The following ARHGAP22 variants were observed in gnomAD, a reference collection of about 807,000 sequenced individuals.
The protein encoded by ARHGAP22 is Rho GTPase activating protein 22.
Under a neutral mutation model 59.1 loss-of-function variants are expected in ARHGAP22, and 48 were observed. That is an observed-to-expected ratio of 0.81 (90% confidence interval 0.64 to 1.03). The LOEUF is 1.03. Among genes scored for constraint, ARHGAP22 ranks in the 50% least tolerant of loss-of-function variants. ARHGAP22 has a pLI of 0.00. For missense variants in ARHGAP22, 1,015 were observed against 958.7 expected (o/e 1.06, Z -0.78); for synonymous variants, 445 against 416.4 (o/e 1.07, Z -0.84).
rs117067435 is a variant in ARHGAP22, at chr10:48,458,153, T to G, written c.659+1531A>C. 0.011 allele frequency among the ~76,000 whole-genome samples: 1,677 copies of G among 151,792 alleles called. 51 individuals carry two copies. In the South Asian group the frequency reaches 0.11, roughly 10 times the overall value. On this transcript the variant is annotated intron_variant, in intron 5 of 9. Coordinates refer to ENST00000249601, the MANE Select transcript of ARHGAP22 (RefSeq NM_021226.4). ...GGCAGTATGGGGGTCACTGCTGAGA[T>G]GGGGGTGGAGGGACAAGGCCAACAT...
intron 5 of ARHGAP22, among the ~76,000 whole-genome samples, chr10:48,457,207 C>T (rs10776603): frequency 0.87 from 132,314 of 152,048 alleles, 58,502 homozygotes; most frequent in East Asian, 1. Context: ...CTATGCAGAA[C>T]ACGCCATGCC....
chr10:48,562,492 T>C (rs980713662), intron 2 of ARHGAP22, among the ~76,000 whole-genome samples: 1 of 152,184 alleles, frequency 6.6e-6, no homozygotes, highest in African/African-American at 2.4e-5. Context: ...CGCTGCAACA[T>C]GGATGCTTCT....
In ARHGAP22 at chr10:48,649,709, C is replaced by G. The variant is rs2062470225; in HGVS notation, c.52+2525G>C. On this transcript the variant is annotated intron_variant, in intron 1 of 9. Coordinates refer to the ARHGAP22 transcript ENST00000435790. Reference sequence around the variant, plus strand: ...GAGAGTTCCCTAGGAGGAGCTGAGGCCCACAGTGATGGAGCTGAGGGTGCT... The same window carrying G: ...GAGAGTTCCCTAGGAGGAGCTGAGGGCCACAGTGATGGAGCTGAGGGTGCT... Among the ~76,000 whole-genome samples the G allele has an allele frequency of 2.0e-5, 3 of 152,106 alleles. No homozygotes were observed. The South Asian group carries it at 6.2e-4, about 32-fold the overall frequency.
At chr10:48,655,434 G>C (rs1228843590), upstream of ARHGAP22, 1 of 152,386 alleles carries the variant, frequency 6.6e-6, no homozygotes, top group Admixed American at 6.5e-5. Context: ...CTGGAGGACA[G>C]TGACCTCAGG....
intron 3 of ARHGAP22, among the ~76,000 whole-genome samples, chr10:48,488,846 C>G (rs1479276015): frequency 6.6e-6 from 1 of 152,176 alleles, no homozygotes; most frequent in Non-Finnish European, 1.5e-5. Flanking sequence ...CAGCTCTTTC[C>G]TCCTCAGCAG....
At chr10:48,609,973 A>G (rs551320974), upstream of ARHGAP22, among the ~76,000 whole-genome samples, 1 of 152,318 alleles carries the variant, frequency 6.6e-6, no homozygotes, top group South Asian at 2.1e-4. Context: ...CCCTGCTTGT[A>G]CTGTAAGCCT....
intron 1 of ARHGAP22, among the ~76,000 whole-genome samples, chr10:48,621,545 T>G (rs2061286033): frequency 6.6e-6 from 1 of 152,206 alleles, no homozygotes; most frequent in Non-Finnish European, 1.5e-5. Context: ...ACACTATTGT[T>G]TATCCTAGTA....
At chr10:48,653,271 A>T (rs1341664736), upstream of ARHGAP22, among the ~76,000 whole-genome samples, 18 of 152,230 alleles carry the variant, frequency 1.2e-4, no homozygotes, top group Admixed American at 5.9e-4. Flanking sequence ...TTAAAAACCA[A>T]TCACTGCTAT....
At chr10:48,652,977 G>T (rs912343138), upstream of ARHGAP22, among the ~76,000 whole-genome samples, 1 of 152,190 alleles carries the variant, frequency 6.6e-6, no homozygotes, top group Non-Finnish European at 1.5e-5. Flanking sequence ...GAATCAAAAA[G>T]AAAAATCCCA....
chr10:48,529,396 G>T (rs1302346205), intron 3 of ARHGAP22, among the ~76,000 whole-genome samples: 1 of 152,158 alleles, frequency 6.6e-6, no homozygotes, highest in Non-Finnish European at 1.5e-5. Flanking sequence ...ATTGACAGAA[G>T]GTAGCAGAAG....
At position 48,583,151 on chromosome 10, in the gene ARHGAP22, G is replaced by T. The variant is rs149533104; in HGVS notation, c.36C>A (p.Ala12=). 45 of 1,613,560 alleles carry T rather than the reference G, an allele frequency of 2.8e-5. No homozygotes were observed. The African/African-American group carries it at 4.1e-4, about 15-fold the overall frequency. Residue 12 remains alanine, a splice_region_variant and synonymous_variant, in exon 2 of 10, where the codon GCC becomes GCA. Coordinates refer to ENST00000249601, the MANE Select transcript of ARHGAP22 (RefSeq NM_021226.4). ...LSPKIRQARR[A]RSKSLVMGEQ... is the part of the protein sequence containing the mutation. Reference sequence around the variant, plus strand: ...CCCCCATCACTAGGCTTTTGGAGCGGGCTGAAAGCCAAGGACACACAGAGT... The same window carrying T: ...CCCCCATCACTAGGCTTTTGGAGCGTGCTGAAAGCCAAGGACACACAGAGT...
In ARHGAP22 at chr10:48,450,825, G is replaced by A. The variant is rs763527109; in HGVS notation, c.1304C>T (p.Pro435Leu). The A allele has an allele frequency of 1.3e-6, 2 of 1,586,952 alleles. No homozygotes were observed. The highest frequency in any genetic ancestry group is 2.3e-5 in the East Asian group (1 of 44,176). ...CTTCGGGCTTCCCGATAGGGACCTC[G>A]GCTGCCGGAAGGAGGACTTCCAACT... ...LPSWKSSFRQ[P>L]RSLSGSPKGG... The change falls in exon 9 of 10, where the codon CCG becomes CTG. Residue 435 changes from proline (P) to leucine (L), a missense_variant. Physicochemically the swap from Pro to Leu is moderately conservative, Grantham distance 98. Transcript: ENST00000249601.
Position 48,450,938 on chromosome 10 carries a change from G to C in ARHGAP22, c.1191C>G (p.Asp397Glu), listed in dbSNP as rs888381267. Residue 397 changes from aspartate (D) to glutamate (E), a missense_variant, in exon 9 of 10, where the codon GAC (aspartate) becomes GAG (glutamate). Transcript: ENST00000249601. ...TGGAGAGCACCGCCACGGCCGCCCC[G>C]TCCAGGGAAGAGGTCCTGTGCGCGG... is the stretch of plus-strand genomic sequence containing the variant. ...GLPAHRTSSL[D>E]GAAVAVLSRT... 1.2e-5 allele frequency: 19 copies of C among 1,586,556 alleles called. No homozygotes were observed. Among genetic ancestry groups the C allele is most frequent in the Non-Finnish European group, 1.6e-5 (19 of 1,167,376 alleles).
In ARHGAP22 at chr10:48,603,254, G is replaced by A. The variant is rs1012286247; in HGVS notation, c.34+1509C>T. On this transcript the variant is annotated intron_variant, in intron 1 of 9. Transcript: ENST00000249601. ...CCTGGATTTCAAAGACAGGCTGCCTGTAAGCCCCTTTGCTGAAGCACTGGT... is the reference window on the plus strand; with the variant it reads ...CCTGGATTTCAAAGACAGGCTGCCTATAAGCCCCTTTGCTGAAGCACTGGT... Among the ~76,000 whole-genome samples the A allele has an allele frequency of 7.9e-5, 12 of 152,354 alleles. No homozygotes were observed. In the South Asian group the frequency reaches 2.3e-3, roughly 29 times the overall value.
chr10:48,607,239 G>A (rs938561040), upstream of ARHGAP22, among the ~76,000 whole-genome samples: 1 of 152,158 alleles, frequency 6.6e-6, no homozygotes, highest in Non-Finnish European at 1.5e-5. Context: ...CGCTTTTCCT[G>A]TGCAGCTGTT....
chr10:48,516,727 G>C (rs1308639971), intron 3 of ARHGAP22, among the ~76,000 whole-genome samples: 1 of 152,048 alleles, frequency 6.6e-6, no homozygotes, highest in Non-Finnish European at 1.5e-5. Flanking sequence ...AGAAGAAAGG[G>C]AATAGTTCTC....
intron 2 of ARHGAP22, among the ~76,000 whole-genome samples, chr10:48,566,508 C>T (rs763809905): frequency 1.3e-5 from 2 of 152,150 alleles, no homozygotes; most frequent in Non-Finnish European, 2.9e-5. Flanking sequence ...ACGTTCCCTC[C>T]CTAAGGAGTT....
At chr10:48,605,126 C>T (rs947136234), upstream of ARHGAP22, 46 of 1,208,788 alleles carry the variant, frequency 3.8e-5, no homozygotes, top group African/African-American at 6.8e-4. Flanking sequence ...CGTGGCTGTC[C>T]AAGCTGAGCG....
chr10:48,503,546 A>C (rs572389768), intron 3 of ARHGAP22, among the ~76,000 whole-genome samples: 1 of 152,300 alleles, frequency 6.6e-6, no homozygotes, highest in East Asian at 1.9e-4. Flanking sequence ...CCCTGCTAAC[A>C]CCACGTACAT....
Sources: allele counts gnomAD v4.1 joint callset (sites outside exome capture counted in the v4.1 genomes callset), GRCh38; gene constraint gnomAD v4.1.1; transcripts MANE v1.5; gene names NCBI Gene and HGNC (gene_info 2026-07-23, HGNC 2026-07-21).